SUGCT: variants seen among roughly 807,000 people sequenced by gnomAD.
The protein encoded by SUGCT is succinyl-CoA:glutarate-CoA transferase, also known as succinyl-CoA:glutarate CoA-transferase.
In SUGCT, 41 loss-of-function variants were observed where a neutral mutation model predicts 55.0. That is an observed-to-expected ratio of 0.74 (90% CI 0.58 to 0.97). The LOEUF is 0.97. Ranked by LOEUF, SUGCT falls within the 50% of genes least tolerant of loss-of-function variation. The pLI, the probability that SUGCT is intolerant of heterozygous loss-of-function variation, is 0.00. For synonymous variants in SUGCT, 187 were observed against 200.4 expected (o/e 0.93, Z 0.56); for missense variants, 568 against 547.8 (o/e 1.04, Z -0.37).
At chr7:40,170,340 C>T (rs537765775) in intron 1 of SUGCT, among the ~76,000 whole-genome samples, 2 of 152,210 alleles carry the variant, frequency 1.3e-5, no homozygotes, top group South Asian at 4.1e-4. Context: ...TTGTCCTAAC[C>T]CTTATAAAAC....
chr7:40,628,939 A>T (rs979749425), intron 12 of SUGCT, among the ~76,000 whole-genome samples: 1 of 152,064 alleles, frequency 6.6e-6, no homozygotes, highest in Admixed American at 6.6e-5. Context: ...ATGGGGTTTC[A>T]CCATGTTGGC....
At chr7:40,588,229 C>CT (rs113301834) in intron 12 of SUGCT, among the ~76,000 whole-genome samples, 4,193 of 143,112 alleles carry the variant, frequency 0.029, 182 homozygotes, top group African/African-American at 0.095. Flanking sequence ...AGAAAATTCT[C>CT]TTTTTTTTTT....
chr7:40,438,405 C>G (rs1788289558), intron 9 of SUGCT, among the ~76,000 whole-genome samples: 1 of 152,172 alleles, frequency 6.6e-6, no homozygotes, highest in African/African-American at 2.4e-5. Flanking sequence ...ATTATTTTCT[C>G]AGTCTTGTAA....
the SUGCT span, among the ~76,000 whole-genome samples, chr7:40,880,304 T>C: frequency 6.6e-6 from 1 of 152,214 alleles, no homozygotes; most frequent in Non-Finnish European, 1.5e-5. Context: ...CAAGAGTACT[T>C]CATAAGTTAT....
intron 12 of SUGCT, among the ~76,000 whole-genome samples, chr7:40,510,743 G>A (rs940499324): frequency 3.3e-5 from 5 of 152,034 alleles, no homozygotes; most frequent in Non-Finnish European, 7.4e-5. Flanking sequence ...TATTCATGAG[G>A]TCGTACAAAA....
the SUGCT span, among the ~76,000 whole-genome samples, chr7:40,907,140 T>A: frequency 0.034 from 992 of 29,028 alleles, 10 homozygotes; most frequent in African/African-American, 0.055. Context: ...TGTGTGTGTG[T>A]GAGAGAGAGA....
intron 13 of SUGCT, among the ~76,000 whole-genome samples, chr7:40,845,385 A>C (rs1793503074): frequency 6.6e-6 from 1 of 152,194 alleles, no homozygotes; most frequent in Non-Finnish European, 1.5e-5. Flanking sequence ...ATATACCCAC[A>C]CAGCCTCAGG....
At chr7:40,671,340 C>T (rs955603498) in intron 12 of SUGCT, among the ~76,000 whole-genome samples, 1 of 152,194 alleles carries the variant, frequency 6.6e-6, no homozygotes, top group Non-Finnish European at 1.5e-5. Flanking sequence ...CAAAGGAAAA[C>T]TTTGTCAACT....
chr7:40,756,881 G>A (rs1788280054), intron 13 of SUGCT, among the ~76,000 whole-genome samples: 2 of 152,154 alleles, frequency 1.3e-5, no homozygotes, highest in Admixed American at 6.5e-5. Flanking sequence ...AAGGGACCAG[G>A]TTAAGCTGCA....
rs369788755 is a variant in SUGCT, at chr7:40,206,838, G to T, written c.484+11778G>T. ...AGTTTTTTCCTAATATTTTCAATTT[G>T]TGGATTGGTTGAATCCATGGATGTG... On this transcript the variant is annotated intron_variant, in intron 6 of 13. Transcript: ENST00000335693. 4.2e-4 allele frequency among the ~76,000 whole-genome samples: 64 copies of T among 152,258 alleles called. 1 individual carries two copies. The highest frequency in any genetic ancestry group is 1.4e-3 in the African/African-American group (57 of 41,550).
chr7:40,441,119 A>T (rs1352787106), intron 9 of SUGCT, among the ~76,000 whole-genome samples: 1 of 152,214 alleles, frequency 6.6e-6, no homozygotes, highest in Non-Finnish European at 1.5e-5. Context: ...AGAGCCTAGC[A>T]CATAGTGAGT....
At position 40,756,104 on chromosome 7, in the gene SUGCT, A is replaced by G. The variant is rs73312215; in HGVS notation, c.1153+6607A>G. Reference sequence around the variant, plus strand: ...ACTCCTCTATTTTATTATCGGACACATTATATTTCTGAATGTTTTGCAAGA... The same window carrying G: ...ACTCCTCTATTTTATTATCGGACACGTTATATTTCTGAATGTTTTGCAAGA... On this transcript the variant is annotated intron_variant, in intron 13 of 13. Coordinates refer to ENST00000335693, the MANE Select transcript of SUGCT (RefSeq NM_001193313.2). Among the ~76,000 whole-genome samples, 94 of 152,264 alleles carry G rather than the reference A, an allele frequency of 6.2e-4. 1 individual carries two copies. The highest frequency in any genetic ancestry group is 2.2e-3 in the African/African-American group (92 of 41,564).
At chr7:41,028,031 C>T in the SUGCT span, among the ~76,000 whole-genome samples, 1 of 152,194 alleles carries the variant, frequency 6.6e-6, no homozygotes, top group Non-Finnish European at 1.5e-5. Context: ...GATTAATGAT[C>T]ATGCAGGAAA....
At chr7:40,444,136 T>A (rs1292815979) in intron 9 of SUGCT, among the ~76,000 whole-genome samples, 5 of 152,190 alleles carry the variant, frequency 3.3e-5, no homozygotes, top group African/African-American at 9.7e-5. Flanking sequence ...CCTTGTAGTG[T>A]AGTTTGAAGT....
intron 6 of SUGCT, among the ~76,000 whole-genome samples, chr7:40,217,702 G>C (rs1421935988): frequency 6.6e-6 from 1 of 152,146 alleles, no homozygotes; most frequent in Non-Finnish European, 1.5e-5. Flanking sequence ...ACCCAAATTT[G>C]GGTTTCAGAA....
intron 13 of SUGCT, among the ~76,000 whole-genome samples, chr7:40,813,575 C>T (rs1385169932): frequency 6.6e-6 from 1 of 152,050 alleles, no homozygotes; most frequent in African/African-American, 2.4e-5. Flanking sequence ...GTGGATCTTC[C>T]TCCAAGTCTT....
chr7:40,853,029 A>G (rs956026720), intron 13 of SUGCT, among the ~76,000 whole-genome samples: 31 of 151,772 alleles, frequency 2.0e-4, no homozygotes, highest in African/African-American at 7.3e-4. Context: ...GATGATGACA[A>G]TAAAATTGTG....
At chr7:40,410,606 A>G (rs1050819955) in intron 9 of SUGCT, among the ~76,000 whole-genome samples, 4 of 152,180 alleles carry the variant, frequency 2.6e-5, no homozygotes, top group African/African-American at 9.7e-5. Flanking sequence ...TAGCACTTGC[A>G]TATTCATGAG....
At chr7:40,563,241 A>G (rs1185452030) in intron 12 of SUGCT, among the ~76,000 whole-genome samples, 13 of 152,074 alleles carry the variant, frequency 8.5e-5, no homozygotes, top group Admixed American at 6.5e-4. Flanking sequence ...CGGACTTGAA[A>G]ATTTGTAAAA....
Sources: allele counts gnomAD v4.1 joint callset (sites outside exome capture counted in the v4.1 genomes callset), GRCh38; gene constraint gnomAD v4.1.1; transcripts MANE v1.5; gene names NCBI Gene and HGNC (gene_info 2026-07-23, HGNC 2026-07-21).